Variants in DCLK1 observed in about 807,000 individuals in gnomAD.
DCLK1 encodes doublecortin like kinase 1, also known as serine/threonine-protein kinase DCLK1.
Under a neutral mutation model 86.2 loss-of-function variants are expected in DCLK1, and 16 were observed. That is an observed-to-expected ratio of 0.19 (90% CI 0.13 to 0.28). The LOEUF is 0.28. DCLK1 is among the 10% of genes least tolerant of loss of function. DCLK1 has a pLI of 1.00. For missense variants in DCLK1, 590 were observed against 940.2 expected (o/e 0.63, Z 4.87); for synonymous variants, 369 against 370.5 (o/e 1.00, Z 0.05).
At chr13:35,932,282 C>G (rs1876486577) in intron 4 of DCLK1, among the ~76,000 whole-genome samples, 1 of 152,192 alleles carries the variant, frequency 6.6e-6, no homozygotes, top group Admixed American at 6.5e-5. Context: ...TCCTCCAGGT[C>G]TCAGGTCCTT....
At chr13:36,057,124 G>C (rs536946684) in intron 3 of DCLK1, among the ~76,000 whole-genome samples, 9 of 152,042 alleles carry the variant, frequency 5.9e-5, no homozygotes, top group Admixed American at 1.3e-4. Flanking sequence ...TAGTGTAAAA[G>C]TAGTTATATC....
rs573777217 is a variant in DCLK1 at position 36,120,952 on chromosome 13, C to T, written c.376+4810G>A. On this transcript the variant is annotated intron_variant, in intron 2 of 16. Transcript: ENST00000360631. ...TCCACTTTTATGAAGGGGAATTTTG[C>T]AAATAGTGCTTAAAACTTTAATGCT... 2.0e-5 allele frequency among the ~76,000 whole-genome samples: 3 copies of T among 152,204 alleles called. No homozygotes were observed. The South Asian group carries it at 6.2e-4, about 32-fold the overall frequency.
At chr13:35,978,280 A>C (rs1472650851) in intron 3 of DCLK1, among the ~76,000 whole-genome samples, 1 of 130,652 alleles carries the variant, frequency 7.7e-6, no homozygotes, top group Non-Finnish European at 1.5e-5. Context: ...ATCTCGGCTC[A>C]TTGCAACCTC....
chr13:35,994,799 A>G (rs1041321881), intron 3 of DCLK1, among the ~76,000 whole-genome samples: 3 of 152,230 alleles, frequency 2.0e-5, no homozygotes, highest in African/African-American at 7.2e-5. Flanking sequence ...TATGGGCTTT[A>G]AATTTTCAAG....
At chr13:35,880,737 AT>A (rs1372338137) in intron 4 of DCLK1, among the ~76,000 whole-genome samples, 1 of 152,192 alleles carries the variant, frequency 6.6e-6, no homozygotes, top group Non-Finnish European at 1.5e-5. Context: ...TTTCTCTGCC[AT>A]GGGTTCCCAG....
At chr13:35,977,261 C>G (rs1170750398) in intron 3 of DCLK1, among the ~76,000 whole-genome samples, 1 of 152,152 alleles carries the variant, frequency 6.6e-6, no homozygotes, top group Non-Finnish European at 1.5e-5. Context: ...ATGTTCCCAA[C>G]TCAGAGTGTC....
intron 3 of DCLK1, among the ~76,000 whole-genome samples, chr13:36,066,590 C>G (rs1883758909): frequency 6.6e-6 from 1 of 152,058 alleles, no homozygotes; most frequent in South Asian, 2.1e-4. Flanking sequence ...TGTGCTACAG[C>G]TAAAGAAACT....
intron 4 of DCLK1, among the ~76,000 whole-genome samples, chr13:35,931,052 A>T (rs1305078971): frequency 6.6e-6 from 1 of 152,236 alleles, no homozygotes; most frequent in Non-Finnish European, 1.5e-5. Flanking sequence ...TCACCCAGAC[A>T]AAGCTAGGCA....
chr13:35,875,447 C>A (rs1872536638), intron 4 of DCLK1, among the ~76,000 whole-genome samples: 1 of 152,146 alleles, frequency 6.6e-6, no homozygotes, highest in Non-Finnish European at 1.5e-5. Context: ...CTAGCTGTGG[C>A]TATAACTACC....
chr13:35,909,145 C>T (rs1874853835), intron 4 of DCLK1, among the ~76,000 whole-genome samples: 1 of 152,098 alleles, frequency 6.6e-6, no homozygotes, highest in Non-Finnish European at 1.5e-5. Context: ...TCAATAGCAC[C>T]CGGGAGCGGC....
At chr13:35,835,854 C>T (rs1869332001) in intron 8 of DCLK1, among the ~76,000 whole-genome samples, 179 bp downstream of exon 8, 2 of 152,218 alleles carry the variant, frequency 1.3e-5, no homozygotes, top group African/African-American at 4.8e-5. Context: ...CCAGGTATCA[C>T]TACATTTTTC....
At chr13:35,899,164 A>G (rs11841466) in intron 4 of DCLK1, among the ~76,000 whole-genome samples, 13,627 of 152,216 alleles carry the variant, frequency 0.09, 748 homozygotes, top group African/African-American at 0.15. Context: ...TTCCCAAACA[A>G]GAACAATGAT....
chr13:36,056,906 A>AAAAAAT lies in DCLK1; in HGVS notation c.723+54962_723+54963insATTTTT, dbSNP rs4054844. ...GCAAGACTGTGACAAAAAAAAAAAAAATATATATATATATATATATACACA... is the reference window on the plus strand; with the variant it reads ...GCAAGACTGTGACAAAAAAAAAAAAAAAAAATATATATATATATATATATATACACA... On this transcript the variant is annotated intron_variant, in intron 3 of 16. Coordinates refer to ENST00000360631, the MANE Select transcript of DCLK1 (RefSeq NM_001330071.2). 3.1e-3 allele frequency among the ~76,000 whole-genome samples: 399 copies of AAAAAAT among 130,146 alleles called. 3 individuals are homozygous for AAAAAAT. Among genetic ancestry groups the AAAAAAT allele is most frequent in the East Asian group, 4.1e-3 (19 of 4,616 alleles). 85.4% of individuals were successfully genotyped at this position (130,146 alleles called of 152,430 possible). A position where few individuals can be genotyped will look rare whatever the true frequency, so the allele number is the denominator to read the frequency against.
intron 4 of DCLK1, among the ~76,000 whole-genome samples, chr13:35,927,030 C>A (rs1186098374): frequency 6.6e-6 from 1 of 152,222 alleles, no homozygotes; most frequent in African/African-American, 2.4e-5. Context: ...GTGACACTAA[C>A]CTGCTAGTTG....
intron 4 of DCLK1, among the ~76,000 whole-genome samples, chr13:35,944,213 A>G (rs1877242206): frequency 6.6e-6 from 1 of 152,172 alleles, no homozygotes; most frequent in Admixed American, 6.5e-5. Flanking sequence ...AATTAGAGGG[A>G]TGTATTATTG....
Position 35,835,405 on chromosome 13 carries a change from C to T in DCLK1, c.1229+628G>A, listed in dbSNP as rs148765701. On this transcript the variant is annotated intron_variant, in intron 8 of 16. Transcript: ENST00000360631. Reference sequence around the variant, plus strand: ...AGGAAAAGAAACCCAAATCTGATACCGAGTGGAGGGCTTGAGGCCCCCGTA... The same window carrying T: ...AGGAAAAGAAACCCAAATCTGATACTGAGTGGAGGGCTTGAGGCCCCCGTA... Among the ~76,000 whole-genome samples the T allele has an allele frequency of 8.5e-3, 1,299 of 152,268 alleles. 27 individuals carry two copies. Among genetic ancestry groups the T allele is most frequent in the African/African-American group, 0.03 (1,227 of 41,534 alleles).
At chr13:35,957,447 C>T (rs891460201) in intron 3 of DCLK1, among the ~76,000 whole-genome samples, 2 of 152,100 alleles carry the variant, frequency 1.3e-5, no homozygotes, top group Non-Finnish European at 2.9e-5. Context: ...GTGCTGAGAC[C>T]TATGATGTGT....
intron 4 of DCLK1, among the ~76,000 whole-genome samples, chr13:35,936,807 T>C (rs531578235): frequency 6.8e-4 from 104 of 152,148 alleles, no homozygotes; most frequent in African/African-American, 2.4e-3. Flanking sequence ...AAGAGGAGCA[T>C]CTGAGGCCAA....
chr13:35,803,235 C>T (rs2086958007), intron 15 of DCLK1, among the ~76,000 whole-genome samples: 2 of 152,144 alleles, frequency 1.3e-5, no homozygotes, highest in South Asian at 4.1e-4. Context: ...TAATACCCAT[C>T]CTGCTTATCT....
Sources: allele counts gnomAD v4.1 joint callset (sites outside exome capture counted in the v4.1 genomes callset), GRCh38; gene constraint gnomAD v4.1.1; transcripts MANE v1.5; gene names NCBI Gene and HGNC (gene_info 2026-07-23, HGNC 2026-07-21).